AGBL1: variants seen among roughly 807,000 people sequenced by gnomAD.
AGBL1 encodes AGBL carboxypeptidase 1, also known as cytosolic carboxypeptidase 4.
AGBL1 carries 130 observed loss-of-function variants against 118.9 expected under a neutral mutation model. The ratio of observed to expected loss-of-function variants is 1.09; its 90% CI spans 0.95 to 1.26. AGBL1 has a LOEUF of 1.26. Among genes scored for constraint, AGBL1 ranks in the 50% most tolerant of loss-of-function variants. AGBL1 has a pLI of 0.00. For missense variants in AGBL1, 1,584 were observed against 1,298.1 expected (o/e 1.22, Z -3.38); for synonymous variants, 555 against 478.9 (o/e 1.16, Z -2.08).
At chr15:86,167,652 T>C (rs1188765781) in intron 5 of AGBL1, among the ~76,000 whole-genome samples, 1 of 152,212 alleles carries the variant, frequency 6.6e-6, no homozygotes, top group Non-Finnish European at 1.5e-5. Context: ...ACTCTGGTTT[T>C]CCTGTGGGGT....
rs905126104 is a variant in AGBL1, at chr15:86,909,527, A to T, written c.*2233A>T. On this transcript the variant is annotated 3_prime_UTR_variant, in exon 23 of 23. Transcript: ENST00000614907. ...TTTTTTAACTCTTTTCCAAGTTTCCATTTTGTAGTTCAGAAATTGTATATC... is the reference window on the plus strand; with the variant it reads ...TTTTTTAACTCTTTTCCAAGTTTCCTTTTTGTAGTTCAGAAATTGTATATC... 1 of 152,190 alleles carries T rather than the reference A, an allele frequency of 6.6e-6. No homozygotes were observed. Among genetic ancestry groups the T allele is most frequent in the Non-Finnish European group, 1.5e-5 (1 of 68,040 alleles). 9.4% of individuals were successfully genotyped at this position (152,190 alleles called of 1,614,324 possible).
intron 22 of AGBL1, among the ~76,000 whole-genome samples, chr15:86,831,377 CA>C (rs1297180131): frequency 6.6e-6 from 1 of 152,172 alleles, no homozygotes; most frequent in Non-Finnish European, 1.5e-5. Flanking sequence ...TCCAAAGTCT[CA>C]TCTGAGACAA....
rs114773715 is a variant in AGBL1 at position 86,657,144 on chromosome 15, C to T, written c.2995-17129C>T. 2.7e-3 allele frequency among the ~76,000 whole-genome samples: 409 copies of T among 152,276 alleles called. 1 individual carries two copies. The highest frequency in any genetic ancestry group is 9.2e-3 in the African/African-American group (381 of 41,558). Reference sequence around the variant, plus strand: ...CTTTTGCTAATATGCTCACTGTCTACCATGCCCCTTCCACTAAGCCTTCAG... The same window carrying T: ...CTTTTGCTAATATGCTCACTGTCTATCATGCCCCTTCCACTAAGCCTTCAG... On this transcript the variant is annotated intron_variant, in intron 21 of 22. Coordinates refer to ENST00000614907, the MANE Select transcript of AGBL1 (RefSeq NM_001386094.1).
intron 22 of AGBL1, among the ~76,000 whole-genome samples, chr15:86,680,856 T>C (rs2085941904): frequency 6.6e-6 from 1 of 152,028 alleles, no homozygotes; most frequent in East Asian, 1.9e-4. Flanking sequence ...CGTGAGCCAC[T>C]GCACCTGGCC....
chr15:86,740,729 T>C (rs1201025519), intron 22 of AGBL1, among the ~76,000 whole-genome samples: 3 of 152,060 alleles, frequency 2.0e-5, no homozygotes, highest in Non-Finnish European at 4.4e-5. Flanking sequence ...AAAAAGAAGG[T>C]GTTCTATTCA....
chr15:86,637,209 G>C (rs1284888743), intron 21 of AGBL1, among the ~76,000 whole-genome samples: 3 of 151,970 alleles, frequency 2.0e-5, no homozygotes, highest in African/African-American at 4.8e-5. Flanking sequence ...CCTATAAATT[G>C]TGATGTGTTA....
intron 5 of AGBL1, among the ~76,000 whole-genome samples, chr15:86,186,568 G>T (rs1807550000): frequency 6.6e-6 from 1 of 152,170 alleles, no homozygotes; most frequent in African/African-American, 2.4e-5. Flanking sequence ...CAAACCTGCT[G>T]CAGGCCTGTC....
At chr15:86,934,253 C>A (rs1312512990) in intron 23 of AGBL1, among the ~76,000 whole-genome samples, 5 of 152,122 alleles carry the variant, frequency 3.3e-5, no homozygotes, top group Non-Finnish European at 5.9e-5. Flanking sequence ...CCCAATGTTC[C>A]CAGTGGCAAA....
chr15:86,670,633 G>T (rs57690460), intron 21 of AGBL1, among the ~76,000 whole-genome samples: 5 of 37,856 alleles, frequency 1.3e-4, no homozygotes, highest in East Asian at 1.4e-3. Context: ...ACACAAACAC[G>T]CTGTGTGTGT....
At chr15:86,485,447 A>G (rs1426775302) in intron 18 of AGBL1, among the ~76,000 whole-genome samples, 1 of 152,152 alleles carries the variant, frequency 6.6e-6, no homozygotes, top group Non-Finnish European at 1.5e-5. Flanking sequence ...AAGGGCTTAT[A>G]GTAAATATTT....
chr15:86,688,706 A>G (rs1413861772), intron 22 of AGBL1, among the ~76,000 whole-genome samples: 2 of 152,188 alleles, frequency 1.3e-5, no homozygotes, highest in Non-Finnish European at 1.5e-5. Context: ...AGCTTTAACG[A>G]GGCGGGCACA....
intron 23 of AGBL1, among the ~76,000 whole-genome samples, chr15:86,973,836 T>A (rs1183670933): frequency 6.7e-6 from 1 of 149,322 alleles, no homozygotes; most frequent in African/African-American, 2.5e-5. Flanking sequence ...AAAATCTGCG[T>A]ACCCCCAGTG....
intron 7 of AGBL1, among the ~76,000 whole-genome samples, chr15:86,249,008 A>G (rs1567154163): frequency 1.3e-5 from 2 of 152,128 alleles, no homozygotes; most frequent in Admixed American, 1.3e-4. Flanking sequence ...AAGGGTTTCT[A>G]CTTATCAGCA....
At chr15:86,788,732 T>A (rs1191543594) in intron 22 of AGBL1, among the ~76,000 whole-genome samples, 1 of 152,158 alleles carries the variant, frequency 6.6e-6, no homozygotes, top group Non-Finnish European at 1.5e-5. Context: ...AAGGATAATG[T>A]CATGAAAAGT....
At chr15:86,228,512 C>G (rs1037221610) in intron 6 of AGBL1, among the ~76,000 whole-genome samples, 1 of 152,150 alleles carries the variant, frequency 6.6e-6, no homozygotes, top group African/African-American at 2.4e-5. Flanking sequence ...AGGGGGCAGT[C>G]AGTGGTCCTG....
intron 17 of AGBL1, among the ~76,000 whole-genome samples, chr15:86,371,266 G>A (rs985702547): frequency 6.6e-6 from 1 of 152,140 alleles, no homozygotes; most frequent in African/African-American, 2.4e-5. Context: ...GATTTGAAAG[G>A]AGTTCACAGG....
chr15:86,466,551 A>G (rs924606939), intron 18 of AGBL1, among the ~76,000 whole-genome samples: 1 of 152,154 alleles, frequency 6.6e-6, no homozygotes, highest in African/African-American at 2.4e-5. Context: ...AGGAGTTGTG[A>G]TCCATTGGAG....
chr15:86,445,970 T>C (rs912919721), intron 18 of AGBL1, among the ~76,000 whole-genome samples: 2 of 152,154 alleles, frequency 1.3e-5, no homozygotes, highest in Non-Finnish European at 2.9e-5. Context: ...ATCCATCATG[T>C]CGGCTTCCTC....
chr15:86,826,422 G>A (rs1325040644), intron 22 of AGBL1, among the ~76,000 whole-genome samples: 2 of 152,022 alleles, frequency 1.3e-5, no homozygotes, highest in Non-Finnish European at 2.9e-5. Context: ...TTTATTACAC[G>A]ACATCTAAAA....
Sources: gnomAD v4.1 joint callset for allele counts (sites outside exome capture counted in the v4.1 genomes callset) on GRCh38, gnomAD v4.1.1 for gene constraint, MANE v1.5 for transcripts, NCBI Gene and HGNC (gene_info 2026-07-23, HGNC 2026-07-21) for gene names.